The following ESR1 variants were observed in gnomAD, a reference collection of about 807,000 sequenced individuals.
ESR1 encodes the protein estrogen receptor 1.
ESR1 carries 12 observed loss-of-function variants against 52.7 expected under a neutral mutation model. That is an observed-to-expected ratio of 0.23 (90% confidence interval 0.15 to 0.37). The LOEUF (loss-of-function observed/expected upper bound fraction) is 0.37. Ranked by LOEUF, ESR1 falls within the 10% of genes least tolerant of loss-of-function variation. ESR1 has a pLI of 1.00. For synonymous variants in ESR1, 305 were observed against 316.8 expected (o/e 0.96, Z 0.39); for missense variants, 584 against 779.7 (o/e 0.75, Z 2.99).
chr6:152,111,768 G>T (rs558462417), intron 6 of ESR1, among the ~76,000 whole-genome samples: 133 of 152,232 alleles, frequency 8.7e-4, no homozygotes, highest in Non-Finnish European at 1.5e-3. Context: ...TGCTTTACAC[G>T]TGGTCTCAGT....
rs192745270 is a variant in ESR1, at chr6:151,931,403, T to C, written c.761-12770T>C. ...AAAATTTCTATCTTTCTGCTTATAT[T>C]ACCCATCTTTTATTGTATGTTGTCT... On this transcript the variant is annotated intron_variant, in intron 3 of 7. Coordinates refer to ENST00000206249, the MANE Select transcript of ESR1 (RefSeq NM_000125.4). Among the ~76,000 whole-genome samples the C allele has an allele frequency of 3.4e-3, 512 of 152,296 alleles. 2 individuals carry two copies. Among genetic ancestry groups the C allele is most frequent in the Middle Eastern group, 0.014 (4 of 294 alleles).
Position 151,967,954 on chromosome 6 carries a change from A to T in ESR1, c.1096+23446A>T, listed in dbSNP as rs182826144. Reference sequence around the variant, plus strand: ...GATCAGGGATGATCAGCTTTTTTTCATATGTTTGTTGGCCTCACAAATGTC... The same window carrying T: ...GATCAGGGATGATCAGCTTTTTTTCTTATGTTTGTTGGCCTCACAAATGTC... On this transcript the variant is annotated intron_variant, in intron 4 of 7. Coordinates refer to ENST00000206249, the MANE Select transcript of ESR1 (RefSeq NM_000125.4). Among the ~76,000 whole-genome samples, 44 of 152,120 alleles carry T rather than the reference A, an allele frequency of 2.9e-4. No individual in the cohort carries two copies. The East Asian group carries it at 7.1e-3, about 25-fold the overall frequency.
chr6:151,814,453 T>C (rs1779311390), intron 1 of ESR1, among the ~76,000 whole-genome samples: 1 of 152,194 alleles, frequency 6.6e-6, no homozygotes. Flanking sequence ...ATCTGTGTAT[T>C]CTCAGATATT....
chr6:151,722,520 G>A (rs754400147), intron 2 of ESR1, among the ~76,000 whole-genome samples: 6 of 152,320 alleles, frequency 3.9e-5, no homozygotes, highest in Admixed American at 1.3e-4. Flanking sequence ...TGCTGTTGGC[G>A]TGAAAGAGGA....
At chr6:151,738,314 A>C (rs1056173266) in intron 2 of ESR1, among the ~76,000 whole-genome samples, 8 of 152,200 alleles carry the variant, frequency 5.3e-5, no homozygotes, top group African/African-American at 1.4e-4. Flanking sequence ...GAATAGTGCT[A>C]GTATGAACAT....
downstream of ESR1, among the ~76,000 whole-genome samples, chr6:152,106,403 T>C (rs920867800): frequency 2.0e-5 from 3 of 152,226 alleles, no homozygotes; most frequent in East Asian, 1.9e-4. Context: ...CGTTTTCTTT[T>C]AGCCTGAAGC....
chr6:152,082,184 C>T (rs1400882639), intron 6 of ESR1, among the ~76,000 whole-genome samples: 1 of 152,116 alleles, frequency 6.6e-6, no homozygotes, highest in Non-Finnish European at 1.5e-5. Flanking sequence ...GGCTAATATC[C>T]CTGATGAACA....
intron 2 of ESR1, among the ~76,000 whole-genome samples, chr6:151,760,129 TC>T (rs1468875582): frequency 1.3e-5 from 2 of 152,132 alleles, no homozygotes; most frequent in Non-Finnish European, 2.9e-5. Context: ...GAAGACCAAT[TC>T]CCCTACCACG....
rs2152506321 is a variant in ESR1 at position 152,098,745 on chromosome 6, G to C, written c.1567G>C (p.Glu523Gln). ...TCCCACCTACAGTAACAAAGGCATG[G>C]AGCATCTGTACAGCATGAAGTGCAA... ...HIRHMSNKGM[E>Q]HLYSMKCKNV... is the part of the protein sequence containing the mutation. Residue 523 changes from glutamate (E) to glutamine (Q), a missense_variant, in exon 8 of 8, where the codon GAG becomes CAG. This residue lies in a region of ESR1 where 141 missense variants were observed against 289.3 expected (regional missense o/e 0.49). Transcript: ENST00000206249. This position sits in a 1 kb window ranked among gnomAD's most constrained non-coding sequence, Gnocchi z 5.1. 1 of 1,613,950 alleles carries C rather than the reference G, an allele frequency of 6.2e-7. No individual in the cohort carries two copies. The highest frequency in any genetic ancestry group is 2.2e-5 in the East Asian group (1 of 44,868).
intron 2 of ESR1, among the ~76,000 whole-genome samples, chr6:151,797,650 T>A (rs1412612058): frequency 6.6e-6 from 1 of 152,194 alleles, no homozygotes; most frequent in Non-Finnish European, 1.5e-5. Flanking sequence ...TTATTACATA[T>A]GATTAATTGC....
At chr6:151,667,023 A>G (rs1777853348) in intron 1 of ESR1, among the ~76,000 whole-genome samples, 1 of 152,172 alleles carries the variant, frequency 6.6e-6, no homozygotes, top group South Asian at 2.1e-4. Flanking sequence ...TAGAGTTAGA[A>G]GAGGAGAATT....
At chr6:152,111,656 T>G (rs960691387) in intron 6 of ESR1, among the ~76,000 whole-genome samples, 4 of 152,082 alleles carry the variant, frequency 2.6e-5, no homozygotes, top group Non-Finnish European at 5.9e-5. Flanking sequence ...AGAAAGAACA[T>G]GTTTCAATAC....
chr6:151,671,978 T>C (rs1778079484), intron 1 of ESR1, among the ~76,000 whole-genome samples: 1 of 152,026 alleles, frequency 6.6e-6, no homozygotes. Flanking sequence ...GGTGACAGAG[T>C]GAGACTCTCA....
intron 7 of ESR1, among the ~76,000 whole-genome samples, chr6:152,095,932 CA>C (rs2050575613): frequency 6.6e-6 from 1 of 152,186 alleles, no homozygotes; most frequent in Admixed American, 6.5e-5. Context: ...GGAAGGACAT[CA>C]GCAGACAAAA....
intron 2 of ESR1, among the ~76,000 whole-genome samples, chr6:151,871,947 A>G (rs149962933): frequency 9.1e-4 from 138 of 152,320 alleles, no homozygotes; most frequent in African/African-American, 3.1e-3. Flanking sequence ...ACTCCACTGT[A>G]TGGATAGACC....
At chr6:151,819,388 G>A (rs117520094) in intron 1 of ESR1, among the ~76,000 whole-genome samples, 219 of 152,262 alleles carry the variant, frequency 1.4e-3, no homozygotes, top group Non-Finnish European at 2.8e-3. Flanking sequence ...GAACTGGGCC[G>A]CACAGCAGGA....
chr6:151,970,843 C>A (rs1176320661), intron 4 of ESR1, among the ~76,000 whole-genome samples: 1 of 152,194 alleles, frequency 6.6e-6, no homozygotes, highest in African/African-American at 2.4e-5. Flanking sequence ...CTTCAGAGTG[C>A]CCATTTCTGT....
chr6:152,119,253 C>A (rs748062198), intron 6 of ESR1, among the ~76,000 whole-genome samples: 1 of 152,158 alleles, frequency 6.6e-6, no homozygotes, highest in Non-Finnish European at 1.5e-5. Flanking sequence ...TATAGTAAAT[C>A]TCAGGCCTCG....
At chr6:151,746,818 C>A (rs1040500518) in intron 2 of ESR1, among the ~76,000 whole-genome samples, 8 of 152,248 alleles carry the variant, frequency 5.3e-5, no homozygotes, top group African/African-American at 1.9e-4. Context: ...TGGCACCAAT[C>A]CTGGCTCTGG....
Sources: gnomAD v4.1 joint callset for allele counts (sites outside exome capture counted in the v4.1 genomes callset) on GRCh38, gnomAD v4.1.1 for gene constraint, gnomAD v4.1.1 regional missense constraint, Gnocchi (gnomAD v3.1) non-coding constraint, MANE v1.5 for transcripts, NCBI Gene and HGNC (gene_info 2026-07-23, HGNC 2026-07-21) for gene names.